KDM4C: variants seen among roughly 807,000 people sequenced by gnomAD.
KDM4C encodes the protein lysine-specific demethylase 4C.
KDM4C carries 81 observed loss-of-function variants against 129.3 expected under a neutral mutation model. The ratio of observed to expected loss-of-function variants is 0.63; its 90% CI spans 0.52 to 0.75. The LOEUF is 0.75. Ranked by LOEUF, KDM4C falls within the 30% of genes least tolerant of loss-of-function variation. The pLI is 0.00. For missense variants in KDM4C, 1,457 were observed against 1,304.0 expected, an observed-to-expected ratio of 1.12 and a Z score of -1.81; for synonymous variants, 573 against 456.1, an observed-to-expected ratio of 1.26 and a Z score of -3.26.
chr9:6,925,436 T>A, intron 8 of KDM4C: 2 of 895,748 alleles, frequency 2.2e-6, no homozygotes, highest in Non-Finnish European at 2.7e-6. Context: ...TCCTTTCCCC[T>A]TTTCCTCTTC....
chr9:7,076,360 G>C, intron 17 of KDM4C: 1 of 1,030,116 alleles, frequency 9.7e-7, no homozygotes, highest in South Asian at 1.4e-5. Context: ...TCATGCTAAA[G>C]CCCATGCTAT....
At chr9:6,867,009 A>G (rs1278637018) in intron 5 of KDM4C, among the ~76,000 whole-genome samples, 7 of 99,150 alleles carry the variant, frequency 7.1e-5, no homozygotes, top group African/African-American at 3.0e-4. Flanking sequence ...GTATATATAT[A>G]TATATATATT....
chr9:7,041,690 A>G (rs2132478137), intron 15 of KDM4C, among the ~76,000 whole-genome samples: 1 of 151,898 alleles, frequency 6.6e-6, no homozygotes, highest in East Asian at 1.9e-4. Context: ...AGTCAATCTG[A>G]TTTATATTTG....
chr9:6,816,850 C>CT (rs35206146), intron 4 of KDM4C, among the ~76,000 whole-genome samples: 61,230 of 145,892 alleles, frequency 0.42, 12,879 homozygotes, highest in East Asian at 0.61. Flanking sequence ...TTTTCTTTTT[C>CT]TTTTTTTTTT....
chr9:6,990,937 T>C (rs758046959), intron 12 of KDM4C, among the ~76,000 whole-genome samples: 53 of 152,230 alleles, frequency 3.5e-4, no homozygotes, highest in Non-Finnish European at 6.6e-4. Context: ...CTATGTGCCA[T>C]ATCCTTTTCC....
intron 8 of KDM4C, among the ~76,000 whole-genome samples, chr9:6,913,206 T>C (rs1372772311): frequency 1.3e-5 from 2 of 152,030 alleles, no homozygotes; most frequent in Non-Finnish European, 2.9e-5. Context: ...ATAATATAAC[T>C]TGATTATATT....
intron 12 of KDM4C, among the ~76,000 whole-genome samples, chr9:7,006,624 G>A (rs1456327567): frequency 6.6e-6 from 1 of 152,064 alleles, no homozygotes; most frequent in Non-Finnish European, 1.5e-5. Flanking sequence ...ATAGGTAATT[G>A]TACAAGCAGA....
intron 8 of KDM4C, among the ~76,000 whole-genome samples, chr9:6,906,102 A>T (rs1283453263): frequency 1.3e-5 from 2 of 152,294 alleles, no homozygotes; most frequent in African/African-American, 2.4e-5. Context: ...GTTGGAAAGT[A>T]TACAGACATA....
chr9:7,065,610 T>G (rs1390372770), intron 17 of KDM4C, among the ~76,000 whole-genome samples: 2 of 152,210 alleles, frequency 1.3e-5, no homozygotes, highest in African/African-American at 4.8e-5. Flanking sequence ...TGACCAGAGC[T>G]GACTGAGCTT....
At chr9:6,877,449 C>T (rs1441481860) in intron 5 of KDM4C, among the ~76,000 whole-genome samples, 6 of 151,974 alleles carry the variant, frequency 3.9e-5, no homozygotes, top group Non-Finnish European at 7.4e-5. Context: ...ATCTGCCCGC[C>T]TCGACCTCCC....
chr9:6,909,602 T>A (rs1252030488), intron 8 of KDM4C, among the ~76,000 whole-genome samples: 1 of 152,194 alleles, frequency 6.6e-6, no homozygotes, highest in Non-Finnish European at 1.5e-5. Flanking sequence ...ACTCTCCAGT[T>A]TGTATTTATG....
intron 19 of KDM4C, among the ~76,000 whole-genome samples, chr9:7,163,580 C>T (rs1026009369): frequency 3.3e-5 from 5 of 152,186 alleles, no homozygotes; most frequent in African/African-American, 1.2e-4. Flanking sequence ...AGCACCTGGG[C>T]TTCAGCTCAG....
At chr9:6,781,313 A>G (rs1824288268) in intron 1 of KDM4C, among the ~76,000 whole-genome samples, 2 of 152,190 alleles carry the variant, frequency 1.3e-5, no homozygotes, top group African/African-American at 4.8e-5. Context: ...TGGAAGTACA[A>G]GTTTAGGTTC....
chr9:6,805,501 C>A (rs112167074), intron 2 of KDM4C, 98 bp from the exon 3 acceptor site: 12 of 610,708 alleles, frequency 2.0e-5, no homozygotes, highest in Admixed American at 3.8e-5. Flanking sequence ...CATAGAGATA[C>A]TGAGAAATTC....
chr9:7,175,638 C>T lies in KDM4C; in HGVS notation c.*909C>T, dbSNP rs1352446402. 6.6e-6 allele frequency: 1 copy of T among 152,116 alleles called. No individual in the cohort carries two copies. Among genetic ancestry groups the T allele is most frequent in the East Asian group, 1.9e-4 (1 of 5,194 alleles). The allele number at this position is 152,116 out of a possible 1,614,324, so 9.4% of individuals were successfully genotyped here. ...ACTAGTGTTTAAAAATAAAGATTTC[C>T]ATTTTCTCCAGTCCTGTCTCTGACT... On this transcript the variant is annotated 3_prime_UTR_variant, in exon 22 of 22. Coordinates refer to ENST00000381309, the MANE Select transcript of KDM4C (RefSeq NM_015061.6).
intron 1 of KDM4C, among the ~76,000 whole-genome samples, chr9:6,773,878 A>C (rs1397188809): frequency 6.6e-6 from 1 of 151,832 alleles, no homozygotes; most frequent in African/African-American, 2.4e-5. Context: ...AAGGGCTTGG[A>C]TACAAATGCA....
At chr9:7,065,384 G>A (rs1318543602) in intron 17 of KDM4C, among the ~76,000 whole-genome samples, 1 of 151,750 alleles carries the variant, frequency 6.6e-6, no homozygotes, top group African/African-American at 2.4e-5. Context: ...CAGGAATAGC[G>A]CTTAAGGTTA....
At chr9:6,952,118 G>A (rs2131517757) in intron 8 of KDM4C, among the ~76,000 whole-genome samples, 1 of 151,960 alleles carries the variant, frequency 6.6e-6, no homozygotes, top group Non-Finnish European at 1.5e-5. Context: ...GGAAATTTGA[G>A]GAAAATGTGT....
chr9:7,109,387 T>A (rs1288843895), intron 18 of KDM4C, among the ~76,000 whole-genome samples: 1 of 152,192 alleles, frequency 6.6e-6, no homozygotes, highest in African/African-American at 2.4e-5. Context: ...ACCTGAACAA[T>A]ATCTCTCTCC....
Sources: gnomAD v4.1 joint callset for allele counts (sites outside exome capture counted in the v4.1 genomes callset) on GRCh38, gnomAD v4.1.1 for gene constraint, MANE v1.5 for transcripts, NCBI Gene and HGNC (gene_info 2026-07-23, HGNC 2026-07-21) for gene names.